Variants in STPG2 observed in about 807,000 individuals in gnomAD.
STPG2 encodes the protein sperm tail PG-rich repeat containing 2.
STPG2 carries 56 observed loss-of-function variants against 54.2 expected under a neutral mutation model. That is an observed-to-expected ratio of 1.03 (90% CI 0.83 to 1.29). The LOEUF (loss-of-function observed/expected upper bound fraction) is 1.29. Ranked by LOEUF, STPG2 falls within the 50% of genes most tolerant of loss-of-function variation. The pLI is 0.00. For synonymous variants in STPG2, 200 were observed against 181.8 expected, an observed-to-expected ratio of 1.10 and a Z score of -0.81; for missense variants, 596 against 544.9, an observed-to-expected ratio of 1.09 and a Z score of -0.93.
At chr4:97,619,902 C>T (rs993145378) in intron 10 of STPG2, among the ~76,000 whole-genome samples, 1 of 151,284 alleles carries the variant, frequency 6.6e-6, no homozygotes, top group African/African-American at 2.4e-5. Flanking sequence ...CGGCTCACTG[C>T]AAGCTCCACC....
intron 10 of STPG2, among the ~76,000 whole-genome samples, chr4:97,564,262 CTT>C (rs1035520575): frequency 6.6e-6 from 1 of 151,950 alleles, no homozygotes; most frequent in Non-Finnish European, 1.5e-5. Context: ...CAACCCCTGC[CTT>C]TTTTTGTTTT....
intron 4 of STPG2, among the ~76,000 whole-genome samples, chr4:97,450,610 G>A (rs922714456): frequency 1.3e-5 from 2 of 152,114 alleles, no homozygotes; most frequent in African/African-American, 4.8e-5. Flanking sequence ...CAGACTCAAA[G>A]ATCAACACAG....
intron 9 of STPG2, among the ~76,000 whole-genome samples, chr4:97,793,101 C>A (rs1727053611): frequency 6.6e-6 from 1 of 152,080 alleles, no homozygotes; most frequent in Admixed American, 6.6e-5. Flanking sequence ...TTGCAGTAAG[C>A]CAAGATCATG....
chr4:97,739,249 C>T (rs989781862), intron 9 of STPG2, among the ~76,000 whole-genome samples: 1 of 152,038 alleles, frequency 6.6e-6, no homozygotes, highest in Non-Finnish European at 1.5e-5. Context: ...TAAATGCCTA[C>T]AGGAGAAAGC....
At chr4:97,561,424 T>C (rs908364887) in intron 10 of STPG2, among the ~76,000 whole-genome samples, 5 of 152,202 alleles carry the variant, frequency 3.3e-5, no homozygotes, top group Non-Finnish European at 7.3e-5. Flanking sequence ...GGTAGTTTCT[T>C]TTGCTGTGCA....
chr4:97,550,344 T>C (rs1024490744), intron 4 of STPG2, among the ~76,000 whole-genome samples: 1 of 151,984 alleles, frequency 6.6e-6, no homozygotes, highest in African/African-American at 2.4e-5. Flanking sequence ...AGATATAATG[T>C]ACCTAACAAA....
intron 5 of STPG2, among the ~76,000 whole-genome samples, chr4:98,085,183 T>C (rs1285001651): frequency 6.6e-6 from 1 of 152,088 alleles, no homozygotes; most frequent in Non-Finnish European, 1.5e-5. Context: ...TCTGGCACTA[T>C]TTGTGCAAAG....
chr4:98,107,889 G>A (rs1739232481), intron 4 of STPG2, among the ~76,000 whole-genome samples: 1 of 151,982 alleles, frequency 6.6e-6, no homozygotes, highest in Non-Finnish European at 1.5e-5. Context: ...ATGTGTTAGA[G>A]TATTCTACAG....
At chr4:97,791,995 G>C (rs750741546) in intron 9 of STPG2, among the ~76,000 whole-genome samples, 2 of 151,960 alleles carry the variant, frequency 1.3e-5, no homozygotes, top group Admixed American at 1.3e-4. Context: ...AAGACAAAGA[G>C]ATCTTGAAAA....
intron 7 of STPG2, among the ~76,000 whole-genome samples, chr4:97,970,795 T>G (rs1189382278): frequency 6.6e-6 from 1 of 151,902 alleles, no homozygotes; most frequent in African/African-American, 2.4e-5. Flanking sequence ...GCAACAAAAG[T>G]CAAAATTGAC....
chr4:97,781,116 A>T (rs1326098255), intron 9 of STPG2, among the ~76,000 whole-genome samples: 5 of 152,022 alleles, frequency 3.3e-5, no homozygotes, highest in African/African-American at 4.8e-5. Flanking sequence ...ACACAAAAAA[A>T]CCCTTCAAAA....
intron 8 of STPG2, among the ~76,000 whole-genome samples, chr4:97,893,958 G>T (rs1482642973): frequency 3.9e-5 from 6 of 152,040 alleles, no homozygotes; most frequent in Admixed American, 1.3e-4. Context: ...AGTCGATGGG[G>T]TATGAAACAG....
At chr4:98,063,112 C>T (rs944200405) in intron 5 of STPG2, among the ~76,000 whole-genome samples, 2 of 151,928 alleles carry the variant, frequency 1.3e-5, no homozygotes, top group African/African-American at 4.8e-5. Flanking sequence ...AAAAATACAA[C>T]CTCTTTGAAA....
intron 4 of STPG2, among the ~76,000 whole-genome samples, chr4:97,516,471 G>A (rs1443992708): frequency 6.6e-6 from 1 of 151,950 alleles, no homozygotes; most frequent in African/African-American, 2.4e-5. Context: ...CAAAACATAT[G>A]TTCTTACTTG....
At chr4:97,448,478 C>T (rs921952304) in intron 4 of STPG2, among the ~76,000 whole-genome samples, 36 of 151,952 alleles carry the variant, frequency 2.4e-4, no homozygotes, top group African/African-American at 8.5e-4. Context: ...GGGTGTTTTC[C>T]CCCATGCTGT....
intron 10 of STPG2, among the ~76,000 whole-genome samples, chr4:97,601,410 T>C (rs2148906821): frequency 6.6e-6 from 1 of 152,208 alleles, no homozygotes; most frequent in African/African-American, 2.4e-5. Context: ...AGTTTTTAAA[T>C]TGTGCTTTTC....
At chr4:98,073,057 G>C (rs1209118048) in intron 5 of STPG2, among the ~76,000 whole-genome samples, 1 of 152,074 alleles carries the variant, frequency 6.6e-6, no homozygotes, top group Non-Finnish European at 1.5e-5. Flanking sequence ...GTTATCACAG[G>C]TATTATTATT....
intron 9 of STPG2, among the ~76,000 whole-genome samples, chr4:97,741,138 G>T (rs922672300): frequency 6.6e-6 from 1 of 152,062 alleles, no homozygotes; most frequent in Non-Finnish European, 1.5e-5. Flanking sequence ...AATAAATGCT[G>T]CTGGAAAAAC....
chr4:97,730,409 G>A (rs1170828937), intron 9 of STPG2, among the ~76,000 whole-genome samples: 5 of 152,148 alleles, frequency 3.3e-5, no homozygotes, highest in Non-Finnish European at 7.3e-5. Flanking sequence ...ACCACTGATG[G>A]ATGCCTAGAT....
Sources: gnomAD v4.1 joint callset for allele counts (sites outside exome capture counted in the v4.1 genomes callset) on GRCh38, gnomAD v4.1.1 for gene constraint, MANE v1.5 for transcripts, NCBI Gene and HGNC (gene_info 2026-07-23, HGNC 2026-07-21) for gene names.